DYRK1A: variants seen among roughly 807,000 people sequenced by gnomAD.
DYRK1A encodes the protein dual specificity tyrosine phosphorylation regulated kinase 1A.
A neutral mutation model predicts 79.7 loss-of-function variants in DYRK1A; 9 were observed. The observed-to-expected ratio is 0.11, with a 90% CI of 0.07 to 0.20. DYRK1A has a LOEUF of 0.20. Ranked by LOEUF, DYRK1A falls within the 10% of genes least tolerant of loss-of-function variation. The probability of loss-of-function intolerance (pLI) is 1.00; values close to 1 mark genes in which losing one functional copy is unlikely to be tolerated. For synonymous variants in DYRK1A, 349 were observed against 329.7 expected (o/e 1.06, Z -0.63); for missense variants, 622 against 956.0 (o/e 0.65, Z 4.61).
At chr21:37,452,915 T>A (rs149854983) in intron 2 of DYRK1A, among the ~76,000 whole-genome samples, 1 of 152,160 alleles carries the variant, frequency 6.6e-6, no homozygotes, top group Non-Finnish European at 1.5e-5. Context: ...AAGCCACTTA[T>A]GTAATTTAAA....
chr21:37,465,930 G>A (rs2052010243), intron 2 of DYRK1A, among the ~76,000 whole-genome samples: 1 of 152,184 alleles, frequency 6.6e-6, no homozygotes. Flanking sequence ...GCACATTAAA[G>A]TCCAAGAAGT....
chr21:37,465,506 C>T (rs1169192125), intron 2 of DYRK1A, among the ~76,000 whole-genome samples: 2 of 152,076 alleles, frequency 1.3e-5, no homozygotes, highest in East Asian at 1.9e-4. Flanking sequence ...CAATGCTTTT[C>T]AAAATAGTAT....
At chr21:37,444,174 A>T (rs1245079195) in intron 2 of DYRK1A, among the ~76,000 whole-genome samples, 1 of 152,198 alleles carries the variant, frequency 6.6e-6, no homozygotes, top group Non-Finnish European at 1.5e-5. Flanking sequence ...AAATATTTAC[A>T]TGGCATATTT....
At position 37,526,280 on chromosome 21, in the gene DYRK1A, A is replaced by G. The variant is rs964023752; in HGVS notation, c.*13749A>G. ...TAATGTGTTGAAAGGCAACTATCTA[A>G]AGAAAAATTTAATAGAGTCTAATAG... is the stretch of plus-strand genomic sequence containing the variant. On this transcript the variant is annotated 3_prime_UTR_variant, in exon 12 of 12. Transcript: ENST00000647188. 1 of 152,214 alleles carries G rather than the reference A, an allele frequency of 6.6e-6. No individual in the cohort carries two copies. Among genetic ancestry groups the G allele is most frequent in the African/African-American group, 2.4e-5 (1 of 41,448 alleles). 9.4% of individuals were successfully genotyped at this position (152,214 alleles called of 1,614,324 possible).
chr21:37,451,344 C>T (rs1420239097), intron 2 of DYRK1A, among the ~76,000 whole-genome samples: 2 of 140,178 alleles, frequency 1.4e-5, no homozygotes, highest in Non-Finnish European at 1.6e-5. Flanking sequence ...ATCTCTCTTC[C>T]TCTCCGTCCC....
intron 5 of DYRK1A, among the ~76,000 whole-genome samples, chr21:37,483,877 C>A (rs532075992): frequency 4.6e-5 from 7 of 152,310 alleles, no homozygotes; most frequent in African/African-American, 1.4e-4. Context: ...GCCACCACAC[C>A]TGGCCTGGGA....
chr21:37,373,834 G>A (rs2049482453), intron 1 of DYRK1A, among the ~76,000 whole-genome samples: 1 of 152,222 alleles, frequency 6.6e-6, no homozygotes, highest in Admixed American at 6.5e-5. Flanking sequence ...ACTGAAGAAG[G>A]GGAGAATGGG....
chr21:37,525,071 C>G lies in DYRK1A; in HGVS notation c.*12540C>G, dbSNP rs1337552177. The G allele has an allele frequency of 1.3e-5, 2 of 152,192 alleles. No homozygotes were observed. The highest frequency in any genetic ancestry group is 4.8e-5 in the African/African-American group (2 of 41,420). The allele number at this position is 152,192 out of a possible 1,614,324, so 9.4% of individuals were successfully genotyped here. ...CTGAGATTGCACCACTGTACTCCAG[C>G]CTGGATGACAGAGTGAGAACATTGT... On this transcript the variant is annotated 3_prime_UTR_variant, in exon 12 of 12. Coordinates refer to ENST00000647188, the MANE Select transcript of DYRK1A (RefSeq NM_001347721.2).
rs886041658 is a variant in DYRK1A, at chr21:37,493,079, T to C, written c.987T>C (p.Tyr329=). 3.7e-6 allele frequency: 6 copies of C among 1,613,436 alleles called. No homozygotes were observed. Among genetic ancestry groups the C allele is most frequent in the Non-Finnish European group, 5.1e-6 (6 of 1,179,474 alleles). ...RSPEVLLGMP[Y]DLAIDMWSLG... Reference sequence around the variant, plus strand: ...CAGAGGTGCTACTGGGAATGCCTTATGACCTTGCCATTGATATGTGGTCCC... The same window carrying C: ...CAGAGGTGCTACTGGGAATGCCTTACGACCTTGCCATTGATATGTGGTCCC... Residue 329 remains tyrosine, a synonymous_variant, in exon 8 of 12, where the codon TAT becomes TAC. Transcript: ENST00000647188.
intron 2 of DYRK1A, among the ~76,000 whole-genome samples, chr21:37,460,801 A>T (rs1458149009): frequency 6.6e-6 from 1 of 152,202 alleles, no homozygotes; most frequent in Non-Finnish European, 1.5e-5. Context: ...ACTTAGTACT[A>T]GGTGGTATTA....
chr21:37,403,058 C>T (rs970787205), intron 1 of DYRK1A, among the ~76,000 whole-genome samples: 19 of 152,098 alleles, frequency 1.2e-4, no homozygotes, highest in African/African-American at 3.6e-4. Context: ...AGCCACTGTC[C>T]CTGGCCTAGA....
chr21:37,403,635 A>T (rs1302393791), intron 1 of DYRK1A, among the ~76,000 whole-genome samples: 4,360 of 37,440 alleles, frequency 0.12, 277 homozygotes, highest in African/African-American at 0.39. Context: ...TCAGCTAATT[A>T]AAAAAAAAAA....
rs754137616 is a variant in DYRK1A, at chr21:37,496,115, C to A, written c.1072-3C>A. 6.3e-7 allele frequency: 1 copy of A among 1,599,240 alleles called. No homozygotes were observed. Among genetic ancestry groups the A allele is most frequent in the South Asian group, 1.1e-5 (1 of 87,636 alleles). On this transcript the variant is annotated splice_region_variant and splice_polypyrimidine_tract_variant and intron_variant, in intron 8 of 11. Coordinates refer to ENST00000647188, the MANE Select transcript of DYRK1A (RefSeq NM_001347721.2). ...GGTTTTGTTGTTTTTATTTTTAATA[C>A]AGGTAGATCAGATGAATAAAATAGT...
rs960471255 is a variant in DYRK1A, at chr21:37,374,256, C to T, written c.-77+6628C>T. ...CAGCAAACAATGCTACAATAACACTCGCATGTTGTCAGGATGTCATAAAGA... is the reference window on the plus strand; with the variant it reads ...CAGCAAACAATGCTACAATAACACTTGCATGTTGTCAGGATGTCATAAAGA... On this transcript the variant is annotated intron_variant, in intron 1 of 11. Coordinates refer to ENST00000647188, the MANE Select transcript of DYRK1A (RefSeq NM_001347721.2). 1.4e-4 allele frequency among the ~76,000 whole-genome samples: 21 copies of T among 151,294 alleles called. 1 individual carries two copies. The highest frequency in any genetic ancestry group is 1.1e-3 in the Admixed American group (16 of 15,166).
chr21:37,366,734 C>T (rs1169693629), upstream of DYRK1A, among the ~76,000 whole-genome samples: 1 of 151,994 alleles, frequency 6.6e-6, no homozygotes. Context: ...GTCAGCACGT[C>T]AGCCGGGGTT....
At chr21:37,403,575 C>T (rs569453458) in intron 1 of DYRK1A, among the ~76,000 whole-genome samples, 1 of 151,908 alleles carries the variant, frequency 6.6e-6, no homozygotes, top group African/African-American at 2.4e-5. Context: ...AAGTGGTCCT[C>T]CCACTTCAGC....
rs372461775 is a variant in DYRK1A at position 37,433,044 on chromosome 21, A to AAAATATATATAT, written c.10+12661_10+12662insAATATATATATA. On this transcript the variant is annotated intron_variant, in intron 2 of 11. Coordinates refer to ENST00000647188, the MANE Select transcript of DYRK1A (RefSeq NM_001347721.2). ...CTTACTTTCTTTACTAGGAATTCTAAATATATATATATATATATATATGTA... is the reference window on the plus strand; with the variant it reads ...CTTACTTTCTTTACTAGGAATTCTAAAAATATATATATATATATATATATATATATATATGTA... 2.6e-3 allele frequency among the ~76,000 whole-genome samples: 364 copies of AAAATATATATAT among 140,482 alleles called. 3 individuals carry two copies. The highest frequency in any genetic ancestry group is 9.6e-3 in the African/African-American group (356 of 36,982). The allele number at this position is 140,482 out of a possible 152,430, so 92.2% of individuals were successfully genotyped here. A position where few individuals can be genotyped will look rare whatever the true frequency, so the allele number is the denominator to read the frequency against.
At chr21:37,458,185 G>C (rs1333106369) in intron 2 of DYRK1A, among the ~76,000 whole-genome samples, 1 of 151,448 alleles carries the variant, frequency 6.6e-6, no homozygotes, top group African/African-American at 2.4e-5. Context: ...GGGTTTCTTG[G>C]AAGACAGCTG....
intron 1 of DYRK1A, among the ~76,000 whole-genome samples, chr21:37,377,167 T>C (rs1477143691): frequency 6.6e-6 from 1 of 152,230 alleles, no homozygotes; most frequent in African/African-American, 2.4e-5. Context: ...TCCCCAAGGC[T>C]GGAGTGCAGT....
Sources: gnomAD v4.1 joint callset for allele counts (sites outside exome capture counted in the v4.1 genomes callset) on GRCh38, gnomAD v4.1.1 for gene constraint, MANE v1.5 for transcripts, NCBI Gene and HGNC (gene_info 2026-07-23, HGNC 2026-07-21) for gene names.